The following THSD7B variants were observed in gnomAD, a reference collection of about 807,000 sequenced individuals.
THSD7B encodes the protein thrombospondin type-1 domain-containing protein 7B.
A neutral mutation model predicts 213.6 loss-of-function variants in THSD7B; 138 were observed. The ratio of observed to expected loss-of-function variants is 0.65; its 90% CI spans 0.56 to 0.74. The LOEUF (loss-of-function observed/expected upper bound fraction) is 0.74, where lower values mean the gene tolerates loss of function less well. Among genes scored for constraint, THSD7B ranks in the 30% least tolerant of loss-of-function variants. The pLI, the probability that THSD7B is intolerant of heterozygous loss-of-function variation, is 0.00. For missense variants in THSD7B, 1,931 were observed against 1,991.5 expected (o/e 0.97, Z 0.58); for synonymous variants, 742 against 687.0 (o/e 1.08, Z -1.25).
At chr2:136,791,885 T>A (rs1055222842) in intron 1 of THSD7B, among the ~76,000 whole-genome samples, 1 of 152,246 alleles carries the variant, frequency 6.6e-6, no homozygotes, top group Admixed American at 6.5e-5. Context: ...TTCATTTCTC[T>A]TGGGTATATA....
At chr2:137,585,307 A>T (rs1231293483) in intron 17 of THSD7B, among the ~76,000 whole-genome samples, 1 of 151,566 alleles carries the variant, frequency 6.6e-6, no homozygotes, top group East Asian at 1.9e-4. Flanking sequence ...GGATTTATTG[A>T]TTTTTTGAAA....
At chr2:137,079,639 AG>A (rs1389684166) in intron 3 of THSD7B, among the ~76,000 whole-genome samples, 2 of 152,212 alleles carry the variant, frequency 1.3e-5, no homozygotes, top group Admixed American at 6.5e-5. Flanking sequence ...GCATGAACAC[AG>A]AGGTGGGTTT....
At chr2:137,427,545 A>G (rs1354679538) in intron 14 of THSD7B, among the ~76,000 whole-genome samples, 1 of 152,054 alleles carries the variant, frequency 6.6e-6, no homozygotes, top group East Asian at 1.9e-4. Context: ...TTGTGGCAAT[A>G]TAGATGAACC....
intron 1 of THSD7B, among the ~76,000 whole-genome samples, chr2:136,787,473 T>C (rs566836685): frequency 2.6e-5 from 4 of 152,256 alleles, no homozygotes; most frequent in African/African-American, 7.2e-5. Flanking sequence ...TGGATTCTTA[T>C]AGAATTTCAA....
chr2:137,154,747 C>T (rs538291084), intron 5 of THSD7B, among the ~76,000 whole-genome samples: 1 of 152,212 alleles, frequency 6.6e-6, no homozygotes, highest in African/African-American at 2.4e-5. Flanking sequence ...TCACAACAGG[C>T]ATTTTTCCTC....
intron 20 of THSD7B, among the ~76,000 whole-genome samples, chr2:137,627,817 G>A (rs780338026): frequency 6.6e-6 from 1 of 152,220 alleles, no homozygotes; most frequent in South Asian, 2.1e-4. Context: ...ACAAATGAGA[G>A]CAAAGAGCCT....
chr2:136,801,871 T>C (rs1368158735), intron 1 of THSD7B, among the ~76,000 whole-genome samples: 1 of 152,106 alleles, frequency 6.6e-6, no homozygotes, highest in Non-Finnish European at 1.5e-5. Context: ...AAGGAAATGA[T>C]AGCATCTTAA....
intron 10 of THSD7B, among the ~76,000 whole-genome samples, chr2:137,268,164 T>A (rs181608212): frequency 4.6e-5 from 7 of 152,234 alleles, no homozygotes; most frequent in South Asian, 4.1e-4. Flanking sequence ...ATTTTATTTT[T>A]TTTATATACT....
chr2:137,476,464 G>A (rs1464588441), intron 15 of THSD7B, among the ~76,000 whole-genome samples: 1 of 152,032 alleles, frequency 6.6e-6, no homozygotes, highest in Non-Finnish European at 1.5e-5. Context: ...TTATGTCTAA[G>A]TCTTTAATCC....
At chr2:137,102,082 T>C (rs938700383) in intron 4 of THSD7B, among the ~76,000 whole-genome samples, 26 of 152,218 alleles carry the variant, frequency 1.7e-4, no homozygotes, top group Admixed American at 9.2e-4. Flanking sequence ...CTGACCCCCA[T>C]GCCTCCTGAC....
At chr2:137,615,529 G>A (rs989617817) in intron 17 of THSD7B, among the ~76,000 whole-genome samples, 4 of 152,140 alleles carry the variant, frequency 2.6e-5, no homozygotes, top group African/African-American at 9.7e-5. Flanking sequence ...GGCTACAGGA[G>A]GACATGTGGA....
intron 10 of THSD7B, among the ~76,000 whole-genome samples, chr2:137,250,935 C>T (rs1217747598): frequency 6.6e-6 from 1 of 152,136 alleles, no homozygotes; most frequent in Non-Finnish European, 1.5e-5. Context: ...AACACTTTGC[C>T]CTCTGAAGTC....
rs369632874 is a variant in THSD7B, at chr2:137,672,219, CAATCAT to C, written c.4740-4301_4740-4296del. On this transcript the variant is annotated intron_variant, in intron 27 of 27. Transcript: ENST00000409968. ...CAAATATTACATACATTGCCTTATT[CAATCAT>C]AATAATTCAAGGAGGTGTTGCTATT... 1.8e-3 allele frequency among the ~76,000 whole-genome samples: 268 copies of C among 152,206 alleles called. 1 individual carries two copies. The highest frequency in any genetic ancestry group is 6.3e-3 in the African/African-American group (262 of 41,530).
chr2:136,934,543 G>A lies in THSD7B; in HGVS notation c.139+52226G>A, dbSNP rs746928463. On this transcript the variant is annotated intron_variant, in intron 2 of 27. Coordinates refer to ENST00000409968, the MANE Select transcript of THSD7B (RefSeq NM_001316349.2). ...AAACAAATTATTGGCAAATGAATCT[G>A]TAGACCTGCAGAAGTTATATTTGTT... Among the ~76,000 whole-genome samples, 215 of 152,244 alleles carry A rather than the reference G, an allele frequency of 1.4e-3. 4 individuals carry two copies. The Middle Eastern group carries it at 0.027, about 19-fold the overall frequency.
At chr2:137,408,534 A>G (rs771505393) in intron 13 of THSD7B, among the ~76,000 whole-genome samples, 2 of 152,190 alleles carry the variant, frequency 1.3e-5, no homozygotes, top group South Asian at 2.1e-4. Flanking sequence ...AGCTTCTGCT[A>G]TAGTTGCTGT....
chr2:137,182,285 G>A (rs1680469149), intron 7 of THSD7B, among the ~76,000 whole-genome samples: 1 of 152,156 alleles, frequency 6.6e-6, no homozygotes, highest in Admixed American at 6.5e-5. Context: ...TTTATCACAG[G>A]CGCAGCTGAG....
chr2:137,369,132 A>G (rs1033911378), intron 12 of THSD7B, among the ~76,000 whole-genome samples: 7 of 7,798 alleles, frequency 9.0e-4, no homozygotes, highest in Non-Finnish European at 1.9e-3. Flanking sequence ...TGTTGTTTGG[A>G]GGGGGGGCGG....
At chr2:136,892,715 G>A (rs535558964) in intron 2 of THSD7B, among the ~76,000 whole-genome samples, 6 of 148,716 alleles carry the variant, frequency 4.0e-5, no homozygotes, top group Non-Finnish European at 8.9e-5. Context: ...AGGATCTGGG[G>A]AGCTAATTAG....
chr2:137,153,150 A>G (rs953405527), intron 5 of THSD7B, among the ~76,000 whole-genome samples: 2 of 152,134 alleles, frequency 1.3e-5, no homozygotes, highest in Non-Finnish European at 2.9e-5. Context: ...TTTTTCCTTA[A>G]TTATGTAATT....
Sources: allele counts gnomAD v4.1 joint callset (sites outside exome capture counted in the v4.1 genomes callset), GRCh38; gene constraint gnomAD v4.1.1; transcripts MANE v1.5; gene names NCBI Gene and HGNC (gene_info 2026-07-23, HGNC 2026-07-21).